Variants in MTR observed in about 807,000 individuals in gnomAD.
MTR encodes methionine synthase.
Under a neutral mutation model 154.8 loss-of-function variants are expected in MTR, and 84 were observed. The ratio of observed to expected loss-of-function variants is 0.54; its 90% confidence interval spans 0.45 to 0.65. The LOEUF (loss-of-function observed/expected upper bound fraction) is 0.65. Among genes scored for constraint, MTR ranks in the 30% least tolerant of loss-of-function variants. The pLI is 0.00. For synonymous variants in MTR, 554 were observed against 553.9 expected, an observed-to-expected ratio of 1.00 and a Z score of 0.00; for missense variants, 1,275 against 1,570.2, an observed-to-expected ratio of 0.81 and a Z score of 3.18.
Position 236,860,411 on chromosome 1 carries a change from T to G in MTR, c.2043+489T>G, listed in dbSNP as rs916485490. 5.2e-5 allele frequency among the ~76,000 whole-genome samples: 4 copies of G among 77,224 alleles called. No individual in the cohort carries two copies. The South Asian group carries it at 2.4e-3, about 46-fold the overall frequency. 50.7% of individuals were successfully genotyped at this position (77,224 alleles called of 152,430 possible). ...AATCTCAGAGTTTTGTTTTGTTTTG[T>G]TTTTTTTTGGCTCTGGAGTTTAACA... On this transcript the variant is annotated intron_variant, in intron 19 of 32. Transcript: ENST00000366577.
chr1:236,796,800 A>AG (rs1553309040), intron 1 of MTR, among the ~76,000 whole-genome samples: 5,987 of 150,794 alleles, frequency 0.04, 380 homozygotes, highest in African/African-American at 0.13. Context: ...TTAATTAATA[A>AG]ATGTAAACCT....
At chr1:236,887,217 G>T (rs1438733617) in intron 27 of MTR, among the ~76,000 whole-genome samples, 1 of 152,178 alleles carries the variant, frequency 6.6e-6, no homozygotes, top group Non-Finnish European at 1.5e-5. Context: ...GAGTTGAGCG[G>T]ATTAAATTGG....
chr1:236,882,972 T>G (rs1665831863), intron 25 of MTR, among the ~76,000 whole-genome samples: 1 of 152,232 alleles, frequency 6.6e-6, no homozygotes, highest in South Asian at 2.1e-4. Flanking sequence ...TTGATCTAAC[T>G]GAAATGAACA....
chr1:236,876,736 G>A (rs1333666513), intron 24 of MTR, among the ~76,000 whole-genome samples: 9 of 151,992 alleles, frequency 5.9e-5, no homozygotes, highest in Admixed American at 4.6e-4. Context: ...GAGAAGCAAC[G>A]TGACTAGCCT....
intron 26 of MTR, among the ~76,000 whole-genome samples, chr1:236,885,514 A>G (rs989312173): frequency 1.3e-5 from 2 of 152,230 alleles, no homozygotes; most frequent in African/African-American, 4.8e-5. Context: ...ACATGAGTTC[A>G]TACTCAGCAG....
At chr1:236,813,385 C>T (rs139762054) in intron 6 of MTR, among the ~76,000 whole-genome samples, 230 of 152,284 alleles carry the variant, frequency 1.5e-3, no homozygotes, top group African/African-American at 5.3e-3. Context: ...CTGTAGGATA[C>T]ATTTCTACAA....
chr1:236,897,306 A>ACGCGCGCGCGCGCATGCGCGCGCGCG (rs1553331028), intron 32 of MTR, among the ~76,000 whole-genome samples, 188 bp downstream of exon 32: 1 of 128,618 alleles, frequency 7.8e-6, no homozygotes, highest in African/African-American at 4.2e-5. Flanking sequence ...CAAGCCACAC[A>ACGCGCGCGCGCGCATGCGCGCGCGCG]CACGCACACA....
chr1:236,896,980 C>T, intron 31 of MTR, 26 bp from the exon 32 acceptor site: 1 of 1,539,656 alleles, frequency 6.5e-7, no homozygotes, highest in Non-Finnish European at 9.0e-7. Flanking sequence ...AGTCCATAAG[C>T]ATTTTCCCTG....
chr1:236,808,559 C>A (rs574681708), intron 3 of MTR, 145 bp from the exon 4 acceptor site: 2 of 828,692 alleles, frequency 2.4e-6, no homozygotes, highest in South Asian at 1.4e-5. Context: ...GATATGCCTG[C>A]TTGGCTAAGA....
intron 22 of MTR, among the ~76,000 whole-genome samples, chr1:236,870,193 A>C (rs1336293671): frequency 6.6e-6 from 1 of 152,196 alleles, no homozygotes; most frequent in Non-Finnish European, 1.5e-5. Flanking sequence ...ATTGCCCTCT[A>C]ATCAATAGTA....
intron 8 of MTR, among the ~76,000 whole-genome samples, chr1:236,817,001 A>C (rs1377700010): frequency 1.3e-5 from 2 of 152,184 alleles, no homozygotes; most frequent in Admixed American, 1.3e-4. Flanking sequence ...TCTTAAGGCC[A>C]GGTGTTGGAG....
chr1:236,802,674 G>T (rs945969291), intron 1 of MTR, among the ~76,000 whole-genome samples: 2 of 151,866 alleles, frequency 1.3e-5, no homozygotes, highest in Admixed American at 1.3e-4. Flanking sequence ...AAAGGATTTG[G>T]TGCTAAAAAA....
At chr1:236,894,276 C>A (rs917667728) in intron 29 of MTR, 81 bp from the exon 30 acceptor site, 12 of 1,350,640 alleles carry the variant, frequency 8.9e-6, no homozygotes, top group Admixed American at 1.7e-5. Flanking sequence ...TTTGACGATA[C>A]CCGATTGCTC....
At chr1:236,833,800 T>C (rs762532027) in intron 13 of MTR, among the ~76,000 whole-genome samples, 1 of 152,212 alleles carries the variant, frequency 6.6e-6, no homozygotes, top group Non-Finnish European at 1.5e-5. Context: ...AAGCTGTTAT[T>C]CCGTGATTCT....
intron 24 of MTR, among the ~76,000 whole-genome samples, chr1:236,880,030 G>A (rs1395607081): frequency 2.0e-5 from 3 of 151,906 alleles, no homozygotes; most frequent in South Asian, 2.1e-4. Context: ...GCATGGTGGC[G>A]GGTGCCTGTA....
At position 236,897,927 on chromosome 1, in the gene MTR, G is replaced by C. The variant is rs2147966924; in HGVS notation, c.*283G>C. ...GAGATGGGGACAGACTGAAGACAGA[G>C]GTCGTTTGATTTCAAAGCAAGTCAA... On this transcript the variant is annotated 3_prime_UTR_variant, in exon 33 of 33. Coordinates refer to ENST00000366577, the MANE Select transcript of MTR (RefSeq NM_000254.3). 1 of 390,024 alleles carries C rather than the reference G, an allele frequency of 2.6e-6. No individual in the cohort carries two copies. Among genetic ancestry groups the C allele is most frequent in the South Asian group, 3.5e-5 (1 of 28,242 alleles). The allele number at this position is 390,024 out of a possible 1,614,324, so 24.2% of individuals were successfully genotyped here.
intron 30 of MTR, 30 bp downstream of exon 30, chr1:236,894,587 G>T: frequency 6.2e-7 from 1 of 1,612,870 alleles, no homozygotes; most frequent in African/African-American, 1.3e-5. Flanking sequence ...CCGAGGGGCT[G>T]AGGACAGAGG....
intron 8 of MTR, among the ~76,000 whole-genome samples, chr1:236,820,994 G>A (rs1442413282): frequency 2.0e-5 from 3 of 152,162 alleles, no homozygotes; most frequent in South Asian, 2.1e-4. Context: ...TTAAAATTGC[G>A]TTTGTTGTTG....
chr1:236,795,966 C>T (rs193032440), intron 1 of MTR, among the ~76,000 whole-genome samples: 54 of 152,278 alleles, frequency 3.5e-4, no homozygotes, highest in Non-Finnish European at 7.4e-5. Context: ...TCAAAACCTG[C>T]AAAAAGCGTC....
Sources: gnomAD v4.1 joint callset for allele counts (sites outside exome capture counted in the v4.1 genomes callset) on GRCh38, gnomAD v4.1.1 for gene constraint, MANE v1.5 for transcripts, NCBI Gene and HGNC (gene_info 2026-07-23, HGNC 2026-07-21) for gene names.